UVRAG: variants seen among roughly 807,000 people sequenced by gnomAD.
UVRAG encodes UV radiation resistance associated.
UVRAG carries 19 observed loss-of-function variants against 78.0 expected under a neutral mutation model. The observed-to-expected ratio is 0.24, with a 90% CI of 0.17 to 0.36. The LOEUF (loss-of-function observed/expected upper bound fraction) is 0.36, where lower values mean the gene tolerates loss of function less well. Ranked by LOEUF, UVRAG falls within the 10% of genes least tolerant of loss-of-function variation. The pLI is 1.00. For synonymous variants in UVRAG, 323 were observed against 324.6 expected (o/e 1.00, Z 0.05); for missense variants, 740 against 853.8 (o/e 0.87, Z 1.66).
chr11:75,987,938 A>G (rs1208173056), intron 8 of UVRAG, among the ~76,000 whole-genome samples: 2 of 152,028 alleles, frequency 1.3e-5, no homozygotes, highest in African/African-American at 2.4e-5. Flanking sequence ...GGGTTTTGCC[A>G]TGTTGGCCAG....
At chr11:75,959,115 C>T (rs1169275122) in intron 6 of UVRAG, among the ~76,000 whole-genome samples, 4 of 152,118 alleles carry the variant, frequency 2.6e-5, no homozygotes, top group Non-Finnish European at 5.9e-5. Flanking sequence ...CTTAAGGGCC[C>T]CAGGGTCTTC....
chr11:76,069,895 G>C (rs949532960), intron 13 of UVRAG, among the ~76,000 whole-genome samples: 1 of 152,032 alleles, frequency 6.6e-6, no homozygotes, highest in African/African-American at 2.4e-5. Context: ...GGAAGCAAAC[G>C]TTTTTTGAGA....
At chr11:75,942,375 A>AT (rs1344726605) in intron 6 of UVRAG, 3 of 152,502 alleles carry the variant, frequency 2.0e-5, no homozygotes, top group Admixed American at 6.6e-5. Flanking sequence ...TAAAATATAT[A>AT]TTTTTTCTTT....
intron 7 of UVRAG, 104 bp downstream of exon 7, chr11:75,961,653 T>C: frequency 1.2e-6 from 1 of 802,292 alleles, no homozygotes; most frequent in Non-Finnish European, 1.9e-6. Context: ...CGTTTTTATC[T>C]TCTTAATTGT....
intron 1 of UVRAG, among the ~76,000 whole-genome samples, chr11:75,831,614 ATGC>A (rs1426405428): frequency 6.6e-6 from 1 of 152,200 alleles, no homozygotes; most frequent in Non-Finnish European, 1.5e-5. Flanking sequence ...TGGGAAATGC[ATGC>A]TAGCAGAGGG....
At chr11:75,952,159 C>T (rs1948714402) in intron 6 of UVRAG, among the ~76,000 whole-genome samples, 1 of 152,124 alleles carries the variant, frequency 6.6e-6, no homozygotes, top group African/African-American at 2.4e-5. Flanking sequence ...CGAATTTACT[C>T]ATTAGTTCTA....
chr11:75,897,993 C>G (rs980139888), intron 5 of UVRAG, among the ~76,000 whole-genome samples: 1 of 151,046 alleles, frequency 6.6e-6, no homozygotes, highest in Non-Finnish European at 1.5e-5. Context: ...CTCAGCCTCC[C>G]GAGTGGCTGG....
chr11:75,997,740 T>C (rs533583516), intron 8 of UVRAG, among the ~76,000 whole-genome samples: 10 of 152,272 alleles, frequency 6.6e-5, no homozygotes, highest in African/African-American at 2.4e-4. Context: ...AGAACACAAA[T>C]AGAAACGGCT....
intron 7 of UVRAG, 114 bp from the exon 8 acceptor site, chr11:75,983,273 G>T: frequency 1.1e-6 from 1 of 924,388 alleles, no homozygotes; most frequent in East Asian, 2.9e-5. Flanking sequence ...CCATAAGTTT[G>T]ATGAGTATTA....
At chr11:75,902,017 C>T (rs1232719322) in intron 5 of UVRAG, among the ~76,000 whole-genome samples, 1 of 152,222 alleles carries the variant, frequency 6.6e-6, no homozygotes, top group Non-Finnish European at 1.5e-5. Flanking sequence ...TTACCTGCTA[C>T]ACTGTAAACT....
intron 1 of UVRAG, among the ~76,000 whole-genome samples, chr11:75,840,454 G>T (rs1336922519): frequency 2.6e-5 from 4 of 151,974 alleles, no homozygotes; most frequent in Admixed American, 2.6e-4. Context: ...CCAAGTTTGG[G>T]GGTAAATAGG....
chr11:75,941,286 C>T (rs1948478356), intron 6 of UVRAG, among the ~76,000 whole-genome samples: 1 of 152,096 alleles, frequency 6.6e-6, no homozygotes, highest in African/African-American at 2.4e-5. Flanking sequence ...GTTGTTGTCT[C>T]TACTTCTCCA....
chr11:76,066,745 A>G (rs947520739), intron 13 of UVRAG, among the ~76,000 whole-genome samples: 41 of 152,216 alleles, frequency 2.7e-4, no homozygotes, highest in African/African-American at 9.2e-4. Flanking sequence ...TGCTGGGATT[A>G]CAGGTGTGAG....
intron 1 of UVRAG, among the ~76,000 whole-genome samples, chr11:75,835,540 C>T (rs1945757590): frequency 1.3e-5 from 2 of 152,254 alleles, no homozygotes; most frequent in South Asian, 4.2e-4. Context: ...CACCTGCCTA[C>T]TTCTGTGGGT....
chr11:75,857,496 C>T (rs573315276), intron 2 of UVRAG, among the ~76,000 whole-genome samples: 41 of 151,636 alleles, frequency 2.7e-4, no homozygotes, highest in Middle Eastern at 3.4e-3. Context: ...TTTCCCCCCC[C>T]CTTTTTTTTT....
At chr11:75,825,414 G>C (rs768406980) in intron 1 of UVRAG, among the ~76,000 whole-genome samples, 2 of 152,022 alleles carry the variant, frequency 1.3e-5, no homozygotes, top group Non-Finnish European at 2.9e-5. Context: ...TGCCTGGCCA[G>C]TAAAGTCTTA....
chr11:76,043,688 G>A (rs1016524146), intron 12 of UVRAG, among the ~76,000 whole-genome samples: 1 of 152,154 alleles, frequency 6.6e-6, no homozygotes, highest in Admixed American at 6.5e-5. Flanking sequence ...CTTATGTCTA[G>A]TAGAAGTGTA....
intron 6 of UVRAG, among the ~76,000 whole-genome samples, chr11:75,937,260 C>G (rs1418524226): frequency 6.6e-6 from 1 of 152,100 alleles, no homozygotes; most frequent in Non-Finnish European, 1.5e-5. Context: ...CCCAGATGAA[C>G]CTGAGAGGCA....
At chr11:75,887,889 AATTTTTAAAGTTTT>A (rs1947124575) in intron 4 of UVRAG, among the ~76,000 whole-genome samples, 1 of 150,110 alleles carries the variant, frequency 6.7e-6, no homozygotes, top group African/African-American at 2.5e-5. Flanking sequence ...TCAGTTCCTT[AATTTTTAAAGTTTT>A]ATTCTTCCAC....
Sources: gnomAD v4.1 joint callset for allele counts (sites outside exome capture counted in the v4.1 genomes callset) on GRCh38, gnomAD v4.1.1 for gene constraint, MANE v1.5 for transcripts, NCBI Gene and HGNC (gene_info 2026-07-23, HGNC 2026-07-21) for gene names.